FER1L6: variants seen among roughly 807,000 people sequenced by gnomAD.
The protein encoded by FER1L6 is fer-1-like protein 6.
A neutral mutation model predicts 219.2 loss-of-function variants in FER1L6; 177 were observed. The ratio of observed to expected loss-of-function variants is 0.81; its 90% confidence interval spans 0.71 to 0.91. FER1L6 has a LOEUF of 0.91. Ranked by LOEUF, FER1L6 falls within the 40% of genes least tolerant of loss-of-function variation. The pLI, the probability that FER1L6 is intolerant of heterozygous loss-of-function variation, is 0.00. For synonymous variants in FER1L6, 768 were observed against 824.3 expected (o/e 0.93, Z 1.17); for missense variants, 2,153 against 2,259.9 (o/e 0.95, Z 0.96).
At chr8:123,965,624 G>C (rs953211810) in intron 3 of FER1L6, among the ~76,000 whole-genome samples, 1 of 152,218 alleles carries the variant, frequency 6.6e-6, no homozygotes, top group Non-Finnish European at 1.5e-5. Context: ...AGGAGACTGG[G>C]AGTTCCTTAT....
intron 1 of FER1L6, among the ~76,000 whole-genome samples, chr8:123,915,339 C>T (rs975073598): frequency 6.6e-6 from 1 of 152,006 alleles, no homozygotes; most frequent in Admixed American, 6.6e-5. Context: ...TCAGGGGTGG[C>T]CTTGGCTTTT....
intron 1 of FER1L6, among the ~76,000 whole-genome samples, chr8:123,953,446 T>C (rs528762550): frequency 3.3e-5 from 5 of 152,198 alleles, no homozygotes; most frequent in Non-Finnish European, 7.4e-5. Context: ...TAAACTTCCT[T>C]AGGCGACTCC....
intron 8 of FER1L6, 98 bp downstream of exon 8, chr8:123,975,404 C>T: frequency 1.7e-6 from 2 of 1,165,760 alleles, no homozygotes; most frequent in Non-Finnish European, 2.4e-6. Context: ...ACATGAGAAC[C>T]ATGCTTCTTC....
intron 39 of FER1L6, among the ~76,000 whole-genome samples, chr8:124,116,794 G>A (rs1232361720): frequency 6.6e-6 from 1 of 152,188 alleles, no homozygotes; most frequent in Non-Finnish European, 1.5e-5. Context: ...TAAGTTACCT[G>A]TGAATGATCT....
chr8:124,024,566 A>G (rs1228875269), intron 18 of FER1L6, among the ~76,000 whole-genome samples: 1 of 152,192 alleles, frequency 6.6e-6, no homozygotes, highest in Non-Finnish European at 1.5e-5. Flanking sequence ...GTCATATTTC[A>G]TGGTGTATAT....
At chr8:123,876,138 A>G (rs1817001029) in intron 1 of FER1L6, among the ~76,000 whole-genome samples, 1 of 152,106 alleles carries the variant, frequency 6.6e-6, no homozygotes, top group Admixed American at 6.6e-5. Flanking sequence ...ACCCCATGTC[A>G]TGCCACCCTT....
chr8:123,971,030 G>A (rs1400672030), intron 6 of FER1L6, among the ~76,000 whole-genome samples: 1 of 152,194 alleles, frequency 6.6e-6, no homozygotes, highest in African/African-American at 2.4e-5. Flanking sequence ...TCATGTGTCA[G>A]TGTAGGAAGT....
intron 1 of FER1L6, among the ~76,000 whole-genome samples, chr8:123,875,320 T>C (rs1165280930): frequency 6.6e-6 from 1 of 152,250 alleles, no homozygotes; most frequent in Admixed American, 6.5e-5. Flanking sequence ...ACTTCCATGC[T>C]GTTAAATCCT....
chr8:123,947,474 G>T (rs1814553034), intron 1 of FER1L6, among the ~76,000 whole-genome samples: 2 of 152,230 alleles, frequency 1.3e-5, no homozygotes, highest in African/African-American at 4.8e-5. Context: ...CTCATTCTTG[G>T]AATGATGTTT....
At chr8:123,986,909 A>G (rs1456924013) in intron 12 of FER1L6, among the ~76,000 whole-genome samples, 3 of 152,152 alleles carry the variant, frequency 2.0e-5, no homozygotes, top group Admixed American at 1.3e-4. Flanking sequence ...TTCTTTATCT[A>G]TTCATCTGTT....
intron 33 of FER1L6, among the ~76,000 whole-genome samples, chr8:124,082,743 A>G (rs894327767): frequency 6.6e-6 from 1 of 152,212 alleles, no homozygotes; most frequent in Admixed American, 6.5e-5. Context: ...GTGCCTTGAA[A>G]TAGAGTTTCC....
intron 22 of FER1L6, among the ~76,000 whole-genome samples, chr8:124,052,472 G>A (rs949826611): frequency 2.4e-4 from 37 of 152,096 alleles, no homozygotes; most frequent in Admixed American, 6.6e-5. Flanking sequence ...TCCAAATACA[G>A]TAAAGAGAAA....
In FER1L6 at chr8:124,117,422, C is replaced by T. The variant is rs61448470; in HGVS notation, c.5290-1422C>T. Among the ~76,000 whole-genome samples, 445 of 152,272 alleles carry T rather than the reference C, an allele frequency of 2.9e-3. 2 individuals carry two copies. Among genetic ancestry groups the T allele is most frequent in the African/African-American group, 9.8e-3 (407 of 41,568 alleles). On this transcript the variant is annotated intron_variant, in intron 39 of 40. Coordinates refer to ENST00000522917, the MANE Select transcript of FER1L6 (RefSeq NM_001039112.2). ...AATAGAAGCTTTATATTTTTTCCCA[C>T]AGTTTTCAAATATTTTCTGAATGCC...
At chr8:123,964,434 T>C (rs1312215128) in intron 3 of FER1L6, among the ~76,000 whole-genome samples, 1 of 152,144 alleles carries the variant, frequency 6.6e-6, no homozygotes, top group East Asian at 1.9e-4. Context: ...GGTACATATA[T>C]GTGGGTTAGA....
chr8:124,085,987 T>C (rs951264398), intron 33 of FER1L6, among the ~76,000 whole-genome samples: 1 of 152,212 alleles, frequency 6.6e-6, no homozygotes, highest in African/African-American at 2.4e-5. Flanking sequence ...CCTTTTATAG[T>C]TCTTGTCTTG....
intron 22 of FER1L6, among the ~76,000 whole-genome samples, chr8:124,053,772 T>C (rs941944832): frequency 6.6e-6 from 1 of 152,098 alleles, no homozygotes; most frequent in African/African-American, 2.4e-5. Context: ...GCGGGAGGAT[T>C]ACTTGAGCCT....
chr8:124,071,529 C>T lies in FER1L6; in HGVS notation c.3990C>T (p.Ser1330=), dbSNP rs1438070087. 6.2e-7 allele frequency: 1 copy of T among 1,614,032 alleles called. No individual in the cohort carries two copies. Among genetic ancestry groups the T allele is most frequent in the East Asian group, 2.2e-5 (1 of 44,880 alleles). Residue 1330 remains serine, a synonymous_variant, in exon 31 of 41, where the codon AGC becomes AGT. Transcript: ENST00000522917. The part of the protein sequence containing the change: ...KFKGSFCIYK[S]PQDSSSEDSG... Reference sequence around the variant, plus strand: ...AGGGCTCCTTCTGCATCTACAAAAGCCCCCAGGATTCTAGCTCTGAGGACA... The same window carrying T: ...AGGGCTCCTTCTGCATCTACAAAAGTCCCCAGGATTCTAGCTCTGAGGACA...
rs770231884 is a variant in FER1L6 at position 124,069,427 on chromosome 8, C to CA, written c.3788dup (p.Lys1264GlufsTer6). ...CAAAGAAGAAGAAAGACAAAATGCT[C>CA]AAGAAGAAACCCAAAGATGATGGAA... On this transcript the variant is annotated frameshift_variant, in exon 29 of 41. Transcript: ENST00000522917. LOFTEE classifies it high-confidence loss of function. 27 of 1,611,546 alleles carry CA rather than the reference C, an allele frequency of 1.7e-5. No homozygotes were observed. Among genetic ancestry groups the CA allele is most frequent in the Non-Finnish European group, 2.1e-5 (25 of 1,179,208 alleles).
At chr8:124,002,286 G>A (rs1817445341) in intron 12 of FER1L6, among the ~76,000 whole-genome samples, 1 of 152,184 alleles carries the variant, frequency 6.6e-6, no homozygotes, top group Admixed American at 6.5e-5. Flanking sequence ...AGAGGATCTG[G>A]GTGGGGCACC....
Sources: gnomAD v4.1 joint callset for allele counts (sites outside exome capture counted in the v4.1 genomes callset) on GRCh38, gnomAD v4.1.1 for gene constraint, MANE v1.5 for transcripts, NCBI Gene and HGNC (gene_info 2026-07-23, HGNC 2026-07-21) for gene names.